The following TMEM38B variants were observed in gnomAD, a reference collection of about 807,000 sequenced individuals.
TMEM38B encodes trimeric intracellular cation channel type B.
In TMEM38B, 24 loss-of-function variants were observed where a neutral mutation model predicts 28.7. The observed-to-expected ratio is 0.84, with a 90% CI of 0.61 to 1.18. TMEM38B has a LOEUF of 1.18. TMEM38B is among the 50% of genes most tolerant of loss of function. TMEM38B has a pLI of 0.00. For missense variants in TMEM38B, 380 were observed against 350.9 expected, an observed-to-expected ratio of 1.08 and a Z score of -0.66; for synonymous variants, 131 against 127.7, an observed-to-expected ratio of 1.03 and a Z score of -0.17.
chr9:105,717,820 T>C (rs1448890511), intron 2 of TMEM38B, among the ~76,000 whole-genome samples: 2 of 152,230 alleles, frequency 1.3e-5, no homozygotes, highest in African/African-American at 4.8e-5. Flanking sequence ...TCTAGGTGTT[T>C]AGTTAGGCAT....
At chr9:105,751,527 G>A (rs1837651303) in intron 5 of TMEM38B, among the ~76,000 whole-genome samples, 2 of 152,160 alleles carry the variant, frequency 1.3e-5, no homozygotes, top group South Asian at 4.1e-4. Flanking sequence ...TAGCAAGTGA[G>A]GAAATCCATC....
At chr9:105,754,768 A>G (rs1189840152) in intron 5 of TMEM38B, among the ~76,000 whole-genome samples, 1 of 152,224 alleles carries the variant, frequency 6.6e-6, no homozygotes, top group Non-Finnish European at 1.5e-5. Context: ...AGAAATAATC[A>G]AGATCAGAGT....
In TMEM38B at chr9:105,764,764, C is replaced by G. The variant is rs896190847; in HGVS notation, c.661-9101C>G. 7.3e-3 allele frequency among the ~76,000 whole-genome samples: 1,096 copies of G among 151,116 alleles called. 19 individuals carry two copies. The highest frequency in any genetic ancestry group is 0.025 in the African/African-American group (1,027 of 41,074). On this transcript the variant is annotated intron_variant, in intron 5 of 5. Transcript: ENST00000374692. ...GTTCATATGGAACCAAAAAAGAGCC[C>G]GCATCGCCAAGTCATCCTAAGCCAA...
At position 105,745,750 on chromosome 9, in the gene TMEM38B, GAATTAATTTTTGTATAATTACAAA is replaced by G. The variant is rs576993977; in HGVS notation, c.543-2313_543-2290del. ...AACATTTCAGTCTTTAATCCATCTT[GAATTAATTTTTGTATAATTACAAA>G]AATTAATTTCAGTTTTCTACATATG... On this transcript the variant is annotated intron_variant, in intron 4 of 5. Transcript: ENST00000374692. Among the ~76,000 whole-genome samples, 169 of 152,152 alleles carry G rather than the reference GAATTAATTTTTGTATAATTACAAA, an allele frequency of 1.1e-3. 1 individual carries two copies. Among genetic ancestry groups the G allele is most frequent in the Middle Eastern group, 6.8e-3 (2 of 294 alleles).
intron 2 of TMEM38B, among the ~76,000 whole-genome samples, chr9:105,710,938 C>T (rs1230294710): frequency 6.6e-6 from 1 of 152,180 alleles, no homozygotes; most frequent in Admixed American, 6.5e-5. Flanking sequence ...CACCTCCTAC[C>T]TCTGCGCAAA....
Position 105,694,562 on chromosome 9 carries a change from G to A in TMEM38B, c.-99G>A, listed in dbSNP as rs1208157730. The A allele has an allele frequency of 6.1e-6, 5 of 826,412 alleles. No individual in the cohort carries two copies. The highest frequency in any genetic ancestry group is 9.2e-6 in the Non-Finnish European group (5 of 543,372). 51.2% of individuals were successfully genotyped at this position (826,412 alleles called of 1,614,324 possible). A position where few individuals can be genotyped will look rare whatever the true frequency, so the allele number is the denominator to read the frequency against. ...GCGCGGAGCTGGAGCCGGCGCGGAG[G>A]AGCGGGCGGCCGCGGCTGTGCCCTC... On this transcript the variant is annotated 5_prime_UTR_variant, in exon 1 of 6. Transcript: ENST00000374692.
In TMEM38B at chr9:105,773,928, T is replaced by A. The variant is rs928284027; in HGVS notation, c.724T>A (p.Trp242Arg). The change falls in exon 6 of 6, where the codon TGG becomes AGG. Residue 242 changes from tryptophan to arginine, a missense_variant. Physicochemically the swap from Trp to Arg is moderately radical, Grantham distance 101. Coordinates refer to ENST00000374692, the MANE Select transcript of TMEM38B (RefSeq NM_018112.3). ...TGCTCCTTTTGAGGATACATTGAGT[T>A]GGATGCTATTTGGCTGGCAGCAGCC... ...TFAPFEDTLS[W>R]MLFGWQQPFS... The A allele has an allele frequency of 6.2e-7, 1 of 1,613,684 alleles. No homozygotes were observed. The highest frequency in any genetic ancestry group is 8.5e-7 in the Non-Finnish European group (1 of 1,179,776).
chr9:105,737,516 G>C (rs1015036698), intron 4 of TMEM38B, among the ~76,000 whole-genome samples: 2 of 152,126 alleles, frequency 1.3e-5, no homozygotes, highest in African/African-American at 2.4e-5. Context: ...GCTGTGTCTT[G>C]GGCCCTGGAG....
chr9:105,773,622 A>G (rs1266659219), intron 5 of TMEM38B, among the ~76,000 whole-genome samples: 1 of 152,132 alleles, frequency 6.6e-6, no homozygotes, highest in Non-Finnish European at 1.5e-5. Context: ...TTTTTGTGAA[A>G]GTGGTTATTC....
rs1836328739 is a variant in TMEM38B, at chr9:105,721,724, A to G, written c.454+3A>G. On this transcript the variant is annotated splice_donor_region_variant and intron_variant, in intron 3 of 5. Coordinates refer to ENST00000374692, the MANE Select transcript of TMEM38B (RefSeq NM_018112.3). ...GATAGCTATTGGATGGGCCCGAGGT[A>G]ATATTGACAATATGTGTTCATAAAT... 1 of 1,599,188 alleles carries G rather than the reference A, an allele frequency of 6.3e-7. No homozygotes were observed. The highest frequency in any genetic ancestry group is 8.5e-7 in the Non-Finnish European group (1 of 1,170,760).
intron 2 of TMEM38B, among the ~76,000 whole-genome samples, chr9:105,714,234 A>G (rs1199977771): frequency 6.6e-6 from 1 of 152,084 alleles, no homozygotes; most frequent in East Asian, 1.9e-4. Flanking sequence ...TGCACACTCA[A>G]CAGGATGACC....
chr9:105,702,294 A>G (rs1835485567), intron 1 of TMEM38B, among the ~76,000 whole-genome samples: 1 of 151,366 alleles, frequency 6.6e-6, no homozygotes, highest in African/African-American at 2.4e-5. Context: ...CAATTTAAAA[A>G]TATGTAATAT....
chr9:105,758,706 G>A (rs1837923627), intron 5 of TMEM38B: 2 of 741,894 alleles, frequency 2.7e-6, no homozygotes, highest in Admixed American at 4.5e-5. Context: ...AAACAACATA[G>A]AGAACTTTTC....
chr9:105,706,913 A>G (rs1317523836), intron 2 of TMEM38B, among the ~76,000 whole-genome samples: 1 of 151,980 alleles, frequency 6.6e-6, no homozygotes, highest in Non-Finnish European at 1.5e-5. Flanking sequence ...AGTGGCTGAG[A>G]TTACAGGCAT....
intron 1 of TMEM38B, among the ~76,000 whole-genome samples, chr9:105,700,036 A>T (rs552113749): frequency 6.6e-6 from 1 of 152,322 alleles, no homozygotes; most frequent in Non-Finnish European, 1.5e-5. Context: ...CTACATTCAC[A>T]TCAAACCACC....
At chr9:105,741,377 T>C (rs1236171362) in intron 4 of TMEM38B, among the ~76,000 whole-genome samples, 3 of 152,182 alleles carry the variant, frequency 2.0e-5, no homozygotes, top group African/African-American at 7.2e-5. Context: ...AGTGGAATTA[T>C]GGATGTTAAA....
chr9:105,750,831 C>T (rs191391291), intron 5 of TMEM38B, among the ~76,000 whole-genome samples: 6 of 152,196 alleles, frequency 3.9e-5, no homozygotes, highest in South Asian at 2.1e-4. Context: ...TATGGTATGA[C>T]GAACAGTCCA....
chr9:105,702,162 T>A (rs898746708), intron 1 of TMEM38B, among the ~76,000 whole-genome samples: 1 of 152,248 alleles, frequency 6.6e-6, no homozygotes, highest in Non-Finnish European at 1.5e-5. Flanking sequence ...TGATTATTTT[T>A]AAATAATTTT....
At chr9:105,704,647 C>T (rs879724354) in intron 1 of TMEM38B, among the ~76,000 whole-genome samples, 6 of 151,492 alleles carry the variant, frequency 4.0e-5, no homozygotes, top group Non-Finnish European at 5.9e-5. Context: ...CAGAAGTGGC[C>T]GGGCTCGGTG....
Sources: gnomAD v4.1 joint callset for allele counts (sites outside exome capture counted in the v4.1 genomes callset) on GRCh38, gnomAD v4.1.1 for gene constraint, MANE v1.5 for transcripts, NCBI Gene and HGNC (gene_info 2026-07-23, HGNC 2026-07-21) for gene names.